C5orf58: variants seen among roughly 807,000 people sequenced by gnomAD.
C5orf58 encodes putative uncharacterized protein C5orf58.
C5orf58 carries 2 observed loss-of-function variants against 2.9 expected under a neutral mutation model. That is an observed-to-expected ratio of 0.69 (90% CI 0.28 to 2.18). C5orf58 has a LOEUF of 2.18. Among genes scored for constraint, C5orf58 ranks in the 30% most tolerant of loss-of-function variants. The pLI is 0.13. For missense variants in C5orf58, 96 were observed against 91.7 expected (o/e 1.05, Z -0.19); for synonymous variants, 37 against 33.4 (o/e 1.11, Z -0.37).
intron 3 of C5orf58, among the ~76,000 whole-genome samples, chr5:170,240,706 T>G (rs1038714607): frequency 2.0e-5 from 3 of 150,600 alleles, no homozygotes; most frequent in Non-Finnish European, 4.5e-5. Context: ...TTGTGAAAAT[T>G]TTCTCCCATT....
At chr5:170,250,602 G>T, downstream of C5orf58, 1 of 710,390 alleles carries the variant, frequency 1.4e-6, no homozygotes, top group Non-Finnish European at 2.5e-6. Context: ...AATAAATGAA[G>T]GGCTTCACTC....
chr5:170,236,289 C>G (rs1363492750), intron 3 of C5orf58, among the ~76,000 whole-genome samples: 1 of 152,080 alleles, frequency 6.6e-6, no homozygotes. Context: ...TGTGTTCTCC[C>G]TAGGACAGCA....
chr5:170,251,264 G>T (rs186139276), intron 2 of C5orf58: 71 of 199,774 alleles, frequency 3.6e-4, no homozygotes, highest in Non-Finnish European at 6.2e-4. Context: ...TAGTATTCCT[G>T]TGAGTTAATT....
chr5:170,237,312 G>A, intron 3 of C5orf58: 1 of 398,368 alleles, frequency 2.5e-6, no homozygotes, highest in East Asian at 3.6e-5. Flanking sequence ...CCATAATCCA[G>A]GACTCTTCTA....
downstream of C5orf58, among the ~76,000 whole-genome samples, chr5:170,249,357 C>T (rs1033255297): frequency 5.7e-5 from 6 of 104,550 alleles, no homozygotes; most frequent in East Asian, 2.8e-4. Flanking sequence ...TATGTGCATG[C>T]GTGTGTATAT....
intron 1 of C5orf58, chr5:170,233,910 T>G: frequency 2.8e-6 from 1 of 362,374 alleles, no homozygotes; most frequent in Non-Finnish European, 5.4e-6. Context: ...TAGTTTCTAC[T>G]TTACTATTTT....
chr5:170,248,898 TA>T, downstream of C5orf58: 1 of 1,383,736 alleles, frequency 7.2e-7, no homozygotes, highest in Non-Finnish European at 1.0e-6. Flanking sequence ...TTTATCTGCA[TA>T]ATATATGCTG....
rs765760181 is a variant in C5orf58 at position 170,235,043 on chromosome 5, A to G, written c.67A>G (p.Ile23Val). The G allele has an allele frequency of 2.0e-6, 3 of 1,519,018 alleles. No homozygotes were observed. Among genetic ancestry groups the G allele is most frequent in the Non-Finnish European group, 2.7e-6 (3 of 1,105,696 alleles). 94.1% of individuals were successfully genotyped at this position (1,519,018 alleles called of 1,614,324 possible). The change falls in exon 3 of 4, where the codon ATT becomes GTT. Residue 23 changes from isoleucine (I) to valine (V), a missense_variant. Physicochemically the swap from Ile to Val is conservative, Grantham distance 29. Coordinates refer to ENST00000593851, the MANE Select transcript of C5orf58 (RefSeq NM_001102609.3). ...VDKVIKNINT[I>V]SSELKKIKEL... ...CAAAGTAATTAAAAATATTAACACA[A>G]TTTCTTCGGAGTTGAAGAAGATAAA...
intron 3 of C5orf58, among the ~76,000 whole-genome samples, chr5:170,244,568 C>T (rs1761166812): frequency 6.6e-6 from 1 of 152,198 alleles, no homozygotes; most frequent in South Asian, 2.1e-4. Flanking sequence ...CAGTTGATCT[C>T]ATCGGCTCCT....
At chr5:170,233,085 T>A in intron 1 of C5orf58, 78 bp downstream of exon 1, 1 of 633,310 alleles carries the variant, frequency 1.6e-6, no homozygotes, top group African/African-American at 2.0e-5. Flanking sequence ...ATTTCCAGGC[T>A]GCCCGAGGCT....
intron 3 of C5orf58, among the ~76,000 whole-genome samples, chr5:170,235,306 T>C (rs1415168500): frequency 6.6e-6 from 1 of 152,184 alleles, no homozygotes; most frequent in Non-Finnish European, 1.5e-5. Context: ...TCAGGTTGTC[T>C]AACCTCTGTA....
chr5:170,243,451 T>C (rs1256827894), intron 3 of C5orf58, among the ~76,000 whole-genome samples: 16 of 149,574 alleles, frequency 1.1e-4, no homozygotes, highest in Non-Finnish European at 1.5e-5. Context: ...GCTTTATGAA[T>C]CTGGGTGCTC....
At chr5:170,241,823 G>A (rs945666317) in intron 3 of C5orf58, among the ~76,000 whole-genome samples, 3 of 150,790 alleles carry the variant, frequency 2.0e-5, no homozygotes, top group Non-Finnish European at 3.0e-5. Context: ...TGTTGAATAG[G>A]ACTGGTGAGA....
At chr5:170,239,312 T>A (rs1032916178) in intron 3 of C5orf58, among the ~76,000 whole-genome samples, 2 of 152,098 alleles carry the variant, frequency 1.3e-5, no homozygotes, top group Non-Finnish European at 2.9e-5. Flanking sequence ...GCAAAAATTT[T>A]TCCTGAAGTA....
intron 3 of C5orf58, among the ~76,000 whole-genome samples, chr5:170,236,807 A>G (rs1760760149): frequency 6.6e-6 from 1 of 152,240 alleles, no homozygotes; most frequent in Non-Finnish European, 1.5e-5. Context: ...GGTCTCTTAC[A>G]ATGGAAAACT....
downstream of C5orf58, chr5:170,252,490 A>G: frequency 1.3e-6 from 2 of 1,568,414 alleles, no homozygotes; most frequent in Non-Finnish European, 1.7e-6. Context: ...TAAGAAACGT[A>G]CCACTCTTCA....
chr5:170,245,506 G>A (rs1810080), intron 3 of C5orf58, among the ~76,000 whole-genome samples: 22,792 of 152,220 alleles, frequency 0.15, 2,173 homozygotes, highest in East Asian at 0.31. Flanking sequence ...TCTGAAAAGC[G>A]CAATATTCAG....
chr5:170,239,548 G>T (rs982613883), intron 3 of C5orf58, among the ~76,000 whole-genome samples: 7 of 151,836 alleles, frequency 4.6e-5, no homozygotes, highest in African/African-American at 1.7e-4. Context: ...AAATTAAAAT[G>T]GTTGCCTCTG....
chr5:170,244,412 A>G (rs1170777797), intron 3 of C5orf58, among the ~76,000 whole-genome samples: 2 of 148,576 alleles, frequency 1.3e-5, no homozygotes, highest in African/African-American at 5.0e-5. Context: ...ACTTTCAGGT[A>G]CACCAATCAG....
Sources: gnomAD v4.1 joint callset for allele counts (sites outside exome capture counted in the v4.1 genomes callset) on GRCh38, gnomAD v4.1.1 for gene constraint, MANE v1.5 for transcripts, NCBI Gene and HGNC (gene_info 2026-07-23, HGNC 2026-07-21) for gene names.